TDRD12: variants seen among roughly 807,000 people sequenced by gnomAD.
The protein encoded by TDRD12 is putative ATP-dependent RNA helicase TDRD12.
A neutral mutation model predicts 133.5 loss-of-function variants in TDRD12; 158 were observed. That is an observed-to-expected ratio of 1.18 (90% CI 1.04 to 1.35). The LOEUF is 1.35. TDRD12 is among the 40% of genes most tolerant of loss of function. The pLI, the probability that TDRD12 is intolerant of heterozygous loss-of-function variation, is 0.00. For synonymous variants in TDRD12, 460 were observed against 477.9 expected (o/e 0.96, Z 0.49); for missense variants, 1,443 against 1,321.3 (o/e 1.09, Z -1.43).
chr19:32,750,209 A>G (rs764120788), intron 6 of TDRD12, among the ~76,000 whole-genome samples: 4 of 152,046 alleles, frequency 2.6e-5, no homozygotes, highest in Non-Finnish European at 4.4e-5. Context: ...TTCTCACTGT[A>G]TGTAACGTGC....
At chr19:32,822,364 G>A (rs1473171051), downstream of TDRD12, among the ~76,000 whole-genome samples, 7 of 150,648 alleles carry the variant, frequency 4.6e-5, no homozygotes, top group African/African-American at 7.3e-5. Context: ...TCCAGGAGGC[G>A]GAGGTTGCAG....
At chr19:32,825,418 G>A (rs1967557669), downstream of TDRD12, among the ~76,000 whole-genome samples, 1 of 152,140 alleles carries the variant, frequency 6.6e-6, no homozygotes, top group Non-Finnish European at 1.5e-5. This position sits in a 1 kb window ranked among gnomAD's most constrained non-coding sequence, Gnocchi z 4.1. Context: ...CTGGCTCCTC[G>A]TGCGTGCTGG....
chr19:32,772,426 T>C (rs1393140179), intron 8 of TDRD12, among the ~76,000 whole-genome samples: 1 of 152,170 alleles, frequency 6.6e-6, no homozygotes. Flanking sequence ...CAGAGTCGCA[T>C]TGTAAGAAGA....
At chr19:32,777,050 G>A (rs1045881459) in intron 10 of TDRD12, 99 bp from the exon 11 acceptor site, 12 of 772,298 alleles carry the variant, frequency 1.6e-5, no homozygotes, top group South Asian at 3.4e-5. Context: ...CACCATGCCC[G>A]GCATTTTTTA....
rs751938374 is a variant in TDRD12, at chr19:32,794,092, CTTTTTTTTTTTTTT to C, written c.1288-518_1288-505del. Among the ~76,000 whole-genome samples the C allele has an allele frequency of 7.8e-4, 39 of 49,858 alleles. 1 individual carries two copies. The highest frequency in any genetic ancestry group is 9.8e-4 in the Non-Finnish European group (29 of 29,462). The allele number at this position is 49,858 out of a possible 152,430, so 32.7% of individuals were successfully genotyped here. ...TACAGACATGAGCCACTGTGCCTGG[CTTTTTTTTTTTTTT>C]TTTTTTTTTTTTTTTTTGAGATGGA... is the stretch of plus-strand genomic sequence containing the variant. On this transcript the variant is annotated intron_variant, in intron 13 of 27. Coordinates refer to ENST00000444215, the Ensembl canonical transcript of TDRD12.
chr19:32,820,914 C>G, intron 27 of TDRD12, 119 bp from the exon 28 acceptor site: 1 of 708,412 alleles, frequency 1.4e-6, no homozygotes, highest in Non-Finnish European at 2.3e-6. Context: ...GTCATAAGCT[C>G]TACGTGGGTC....
At chr19:32,738,902 T>C (rs1969305808) in exon 3 of TDRD12, 3 of 1,551,488 alleles carry the variant, frequency 1.9e-6, no homozygotes, top group Admixed American at 3.9e-5. Context: ...TGCAGGGCCA[T>C]TGTCAAATCA....
At chr19:32,757,128 A>T (rs1036978695) in exon 8 of TDRD12, 15 of 1,550,828 alleles carry the variant, frequency 9.7e-6, no homozygotes, top group South Asian at 2.4e-5. Flanking sequence ...GCCACAGCAC[A>T]GGGTGAGTTC....
intron 27 of TDRD12, 143 bp downstream of exon 27, chr19:32,818,300 G>T (rs1039945683): frequency 1.6e-6 from 1 of 606,886 alleles, no homozygotes; most frequent in African/African-American, 1.9e-5. Context: ...GAGCAGGGAT[G>T]AAGGTACTCA....
exon 26 of TDRD12, chr19:32,815,583 A>G (rs1425484212): frequency 6.5e-7 from 1 of 1,536,228 alleles, no homozygotes. Flanking sequence ...CGAAGATGCT[A>G]AGATACCAGC....
At chr19:32,818,950 G>A (rs1967283057) in intron 27 of TDRD12, among the ~76,000 whole-genome samples, 2 of 152,142 alleles carry the variant, frequency 1.3e-5, no homozygotes, top group Admixed American at 1.3e-4. Flanking sequence ...GTGACTTGCT[G>A]GTTTAGTGGC....
chr19:32,757,138 C>G lies in TDRD12; in HGVS notation c.865+8C>G, dbSNP rs371201701. ...CAACAGCCACAGCACAGGGTGAGTT[C>G]TGCTAATGTGGTTTATTTCATAGGC... On this transcript the variant is annotated splice_region_variant and intron_variant, in intron 8 of 27. Coordinates refer to ENST00000444215, the Ensembl canonical transcript of TDRD12. The G allele has an allele frequency of 7.3e-5, 113 of 1,547,564 alleles. No homozygotes were observed. The highest frequency in any genetic ancestry group is 4.3e-5 in the Non-Finnish European group (49 of 1,143,382).
At chr19:32,742,929 T>G (rs1432359100) in intron 4 of TDRD12, 29 bp downstream of exon 4, 2 of 1,548,430 alleles carry the variant, frequency 1.3e-6, no homozygotes, top group African/African-American at 2.7e-5. Flanking sequence ...GTCCTTCGAA[T>G]CATTAGTAAA....
chr19:32,790,551 C>T, exon 12 of TDRD12: 1 of 1,551,898 alleles, frequency 6.4e-7, no homozygotes. Context: ...TTTTTAAATC[C>T]TGATCCTTTG....
chr19:32,757,201 A>G, intron 8 of TDRD12, 71 bp downstream of exon 8: 1 of 1,281,490 alleles, frequency 7.8e-7, no homozygotes. Flanking sequence ...TAAAGATTAG[A>G]AAGGTTGTCT....
chr19:32,730,237 A>G (rs1969005525), intron 1 of TDRD12, among the ~76,000 whole-genome samples: 1 of 152,024 alleles, frequency 6.6e-6, no homozygotes, highest in African/African-American at 2.4e-5. Context: ...TTACCCTTTA[A>G]TTCTCAAGCT....
At chr19:32,748,676 C>A in intron 5 of TDRD12, 145 bp downstream of exon 5, 1 of 690,182 alleles carries the variant, frequency 1.4e-6, no homozygotes. Context: ...GGGGCTTCCT[C>A]CAGCTCAAGT....
intron 18 of TDRD12, 27 bp downstream of exon 18, chr19:32,800,799 TTC>T: frequency 6.7e-7 from 1 of 1,495,872 alleles, no homozygotes; most frequent in Non-Finnish European, 8.8e-7. Flanking sequence ...ATAAAAAATG[TTC>T]TGTTTGTTTC....
chr19:32,810,292 T>C lies in TDRD12; in HGVS notation c.2837+15T>C. The stretch of plus-strand genomic sequence containing the variant: ...CTTTTTCACAGGTAACACATCTGTT[T>C]ACTTCATCTGTAAAGTTTTGAAGCA... On this transcript the variant is annotated intron_variant, in intron 23 of 27. Transcript: ENST00000444215. 1.3e-6 allele frequency: 2 copies of C among 1,486,296 alleles called. No individual in the cohort carries two copies. The highest frequency in any genetic ancestry group is 1.8e-6 in the Non-Finnish European group (2 of 1,124,150). The allele number at this position is 1,486,296 out of a possible 1,614,324, so 92.1% of individuals were successfully genotyped here. A position where few individuals can be genotyped will look rare whatever the true frequency, so the allele number is the denominator to read the frequency against.
Sources: gnomAD v4.1 joint callset for allele counts (sites outside exome capture counted in the v4.1 genomes callset) on GRCh38, gnomAD v4.1.1 for gene constraint, Gnocchi (gnomAD v3.1) non-coding constraint, MANE v1.5 for transcripts, NCBI Gene and HGNC (gene_info 2026-07-23, HGNC 2026-07-21) for gene names.